USF3: variants seen among roughly 807,000 people sequenced by gnomAD.
The protein encoded by USF3 is upstream transcription factor family member 3.
In USF3, 29 loss-of-function variants were observed where a neutral mutation model predicts 157.5. The observed-to-expected ratio is 0.18, with a 90% CI of 0.14 to 0.25. USF3 has a LOEUF of 0.25. Ranked by LOEUF, USF3 falls within the 10% of genes least tolerant of loss-of-function variation. The pLI is 1.00. For synonymous variants in USF3, 893 were observed against 941.4 expected (o/e 0.95, Z 0.94); for missense variants, 2,381 against 2,667.6 (o/e 0.89, Z 2.37).
intron 6 of USF3, among the ~76,000 whole-genome samples, chr3:113,662,167 A>G (rs79073799): frequency 0.015 from 2,340 of 152,312 alleles, 50 homozygotes; most frequent in African/African-American, 0.039. Flanking sequence ...TTTATAAATC[A>G]ATTTAGTTTC....
intron 1 of USF3, among the ~76,000 whole-genome samples, chr3:113,679,858 G>A (rs1266942014): frequency 6.6e-6 from 1 of 151,724 alleles, no homozygotes; most frequent in African/African-American, 2.4e-5. Context: ...TAAGCATAAT[G>A]TTTCTGAAAT....
intron 5 of USF3, among the ~76,000 whole-genome samples, chr3:113,665,002 A>G (rs1947541670): frequency 6.6e-6 from 1 of 152,186 alleles, no homozygotes; most frequent in South Asian, 2.1e-4. Context: ...GAACTGTGAG[A>G]AATTAAAGTT....
intron 5 of USF3, among the ~76,000 whole-genome samples, chr3:113,664,708 C>T (rs971942818): frequency 3.3e-5 from 5 of 152,076 alleles, no homozygotes; most frequent in African/African-American, 1.2e-4. Context: ...AAATATAAAG[C>T]AGGGTAAAGA....
intron 1 of USF3, among the ~76,000 whole-genome samples, chr3:113,684,481 A>C (rs556383250): frequency 2.0e-5 from 3 of 152,156 alleles, no homozygotes; most frequent in South Asian, 2.1e-4. Context: ...TTTAAGACCA[A>C]TAACTCTTAG....
chr3:113,670,604 TA>T lies in USF3; in HGVS notation c.77-402del, dbSNP rs879484155. Among the ~76,000 whole-genome samples the T allele has an allele frequency of 7.8e-4, 109 of 140,326 alleles. 1 individual carries two copies. The highest frequency in any genetic ancestry group is 3.5e-3 in the Middle Eastern group (1 of 284). The allele number at this position is 140,326 out of a possible 152,430, so 92.1% of individuals were successfully genotyped here. A position where few individuals can be genotyped will look rare whatever the true frequency, so the allele number is the denominator to read the frequency against. ...GACAGAACGAGACTCTGTCTGAAAA[TA>T]AAAAAAAAGGGAAGGGGGAAGGGGA... On this transcript the variant is annotated intron_variant, in intron 4 of 6. Coordinates refer to ENST00000316407, the MANE Select transcript of USF3 (RefSeq NM_001009899.4).
At chr3:113,691,441 C>T (rs372385226) in intron 1 of USF3, among the ~76,000 whole-genome samples, 12 of 152,300 alleles carry the variant, frequency 7.9e-5, no homozygotes, top group South Asian at 4.1e-4. Flanking sequence ...CTGCCAAATC[C>T]GATGAACTTT....
intron 1 of USF3, 130 bp downstream of exon 1, chr3:113,696,240 G>C (rs1707796573): frequency 6.5e-6 from 1 of 152,834 alleles, no homozygotes; most frequent in African/African-American, 2.4e-5. Context: ...ACTTAGCGCA[G>C]CCCTGGCCTC....
Position 113,657,189 on chromosome 3 carries a change from G to C in USF3, c.4493C>G (p.Ala1498Gly), listed in dbSNP as rs1472923822. The C allele has an allele frequency of 1.8e-5, 29 of 1,614,196 alleles. No individual in the cohort carries two copies. The highest frequency in any genetic ancestry group is 2.2e-5 in the Non-Finnish European group (26 of 1,180,040). ...GGGCTGAGAGTGGACAGAGCTCTCTGCATGAGGTACATGATGCTGCATTTG... is the reference window on the plus strand; with the variant it reads ...GGGCTGAGAGTGGACAGAGCTCTCTCCATGAGGTACATGATGCTGCATTTG... ...LYQMQHHVPH[A>G]ESSVHSQPHN... Residue 1498 changes from alanine to glycine, a missense_variant, in exon 7 of 7, where the codon GCA becomes GGA. Around this residue, in one of 6 missense-constraint regions of USF3, gnomAD observed 50 missense variants for 79.7 expected, o/e 0.63. Coordinates refer to ENST00000316407, the MANE Select transcript of USF3 (RefSeq NM_001009899.4).
In USF3 at chr3:113,655,655, T is replaced by C. The variant is rs1015255758; in HGVS notation, c.6027A>G (p.Pro2009=). The stretch of plus-strand genomic sequence containing the variant: ...TAGAGAGAGGAAGATGGGGAAGACT[T>C]GGATCAAAGACAGTACTTTGCCTTT... ...GNQRQSTVFD[P]SLPHLPLSTG... Residue 2009 remains proline, a synonymous_variant, in exon 7 of 7, where the codon CCA becomes CCG. Transcript: ENST00000316407. 7 of 1,613,934 alleles carry C rather than the reference T, an allele frequency of 4.3e-6. No individual in the cohort carries two copies. The highest frequency in any genetic ancestry group is 5.9e-6 in the Non-Finnish European group (7 of 1,179,778).
In USF3 at chr3:113,658,680, C is replaced by A. The variant is rs755063514; in HGVS notation, c.3002G>T (p.Gly1001Val). ...AGATAGCAATGTAGTTAAACCTTGC[C>A]CCTTTAAGAGACCTGTGGTTTGCAT... ...DTMQTTGLLK[G>V]QGLTTLLSDL... The change falls in exon 7 of 7, where the codon GGG becomes GTG. Residue 1001 changes from glycine to valine, a missense_variant. This residue lies in a region of USF3 where 1,435 missense variants were observed against 1,550.9 expected (regional missense o/e 0.93). Coordinates refer to ENST00000316407, the MANE Select transcript of USF3 (RefSeq NM_001009899.4). The A allele has an allele frequency of 1.2e-6, 2 of 1,613,730 alleles. No individual in the cohort carries two copies. Among genetic ancestry groups the A allele is most frequent in the Non-Finnish European group, 1.7e-6 (2 of 1,179,940 alleles).
Position 113,651,024 on chromosome 3 carries a change from A to G in USF3, c.*3920T>C, listed in dbSNP as rs371764221. 1 of 152,238 alleles carries G rather than the reference A, an allele frequency of 6.6e-6. No homozygotes were observed. The highest frequency in any genetic ancestry group is 2.4e-5 in the African/African-American group (1 of 41,456). 9.4% of individuals were successfully genotyped at this position (152,238 alleles called of 1,614,324 possible). ...AACTTGTGTTTTCCAAAAAAAAGAA[A>G]GAAAGAAACAACATCAAACTAGATT... is the stretch of plus-strand genomic sequence containing the variant. On this transcript the variant is annotated 3_prime_UTR_variant, in exon 7 of 7. Transcript: ENST00000316407.
intron 1 of USF3, among the ~76,000 whole-genome samples, chr3:113,679,828 C>A (rs1275086123): frequency 1.3e-5 from 2 of 152,054 alleles, no homozygotes; most frequent in Non-Finnish European, 2.9e-5. Flanking sequence ...ATTGGGAATT[C>A]TTTTGTGTAA....
chr3:113,658,658 T>G lies in USF3; in HGVS notation c.3024A>C (p.Leu1008=), dbSNP rs16861271. The G allele has an allele frequency of 0.11, 174,638 of 1,613,692 alleles. 13,173 individuals carry two copies. Among genetic ancestry groups the G allele is most frequent in the East Asian group, 0.31 (14,119 of 44,856 alleles). ...GGTTTTTTTTTTTAGCAAGATCAGATAGCAATGTAGTTAAACCTTGCCCCT... is the reference window on the plus strand; with the variant it reads ...GGTTTTTTTTTTTAGCAAGATCAGAGAGCAATGTAGTTAAACCTTGCCCCT... The part of the protein sequence containing the change: ...LLKGQGLTTL[L]SDLAKKKNPQ... Residue 1008 remains leucine, a synonymous_variant, in exon 7 of 7, where the codon CTA becomes CTC. Coordinates refer to ENST00000316407, the MANE Select transcript of USF3 (RefSeq NM_001009899.4).
chr3:113,686,388 T>C (rs1707546205), intron 1 of USF3, among the ~76,000 whole-genome samples: 1 of 152,222 alleles, frequency 6.6e-6, no homozygotes, highest in South Asian at 2.1e-4. Flanking sequence ...CAAGGCTGTC[T>C]TTCCTACCAT....
chr3:113,659,982 A>G lies in USF3; in HGVS notation c.1700T>C (p.Met567Thr), dbSNP rs1303607099. The change falls in exon 7 of 7, where the codon ATG becomes ACG. Residue 567 changes from methionine (M) to threonine (T), a missense_variant. Met to Thr is a moderately conservative substitution (Grantham distance 81). Around this residue, in one of 6 missense-constraint regions of USF3, gnomAD observed 1,435 missense variants for 1,550.9 expected, o/e 0.93. Coordinates refer to ENST00000316407, the MANE Select transcript of USF3 (RefSeq NM_001009899.4). ...PPSTTPCPTVMRAEVSNQTVG... is the reference protein window; with the variant it reads ...PPSTTPCPTVTRAEVSNQTVG... ...TGTTTGGTTGGAAACTTCTGCCCTCATCACTGTTGGGCATGGGGTGGTGCT... is the reference window on the plus strand; with the variant it reads ...TGTTTGGTTGGAAACTTCTGCCCTCGTCACTGTTGGGCATGGGGTGGTGCT... 1 of 1,614,210 alleles carries G rather than the reference A, an allele frequency of 6.2e-7. No individual in the cohort carries two copies. The highest frequency in any genetic ancestry group is 1.3e-5 in the African/African-American group (1 of 75,048).
intron 1 of USF3, among the ~76,000 whole-genome samples, chr3:113,692,707 G>T (rs984605851): frequency 1.3e-5 from 2 of 152,098 alleles, no homozygotes; most frequent in Non-Finnish European, 2.9e-5. Flanking sequence ...TTGGTGAACT[G>T]AATTAAAAAC....
chr3:113,649,918 C>A lies in USF3; in HGVS notation c.*5026G>T. The A allele has an allele frequency of 1.4e-6, 1 of 692,782 alleles. No homozygotes were observed. Among genetic ancestry groups the A allele is most frequent in the South Asian group, 1.5e-5 (1 of 65,154 alleles). 42.9% of individuals were successfully genotyped at this position (692,782 alleles called of 1,614,324 possible). ...CAAAAAAGGCCCTTTTCTTTCAAACCCTGGGGAAAGAAAAATGGTAATGTT... is the reference window on the plus strand; with the variant it reads ...CAAAAAAGGCCCTTTTCTTTCAAACACTGGGGAAAGAAAAATGGTAATGTT... On this transcript the variant is annotated 3_prime_UTR_variant, in exon 7 of 7. Coordinates refer to ENST00000316407, the MANE Select transcript of USF3 (RefSeq NM_001009899.4).
rs1441767744 is a variant in USF3 at position 113,661,336 on chromosome 3, A to G, written c.346T>C (p.Cys116Arg). 1 of 1,612,148 alleles carries G rather than the reference A, an allele frequency of 6.2e-7. No individual in the cohort carries two copies. Among genetic ancestry groups the G allele is most frequent in the Non-Finnish European group, 8.5e-7 (1 of 1,178,482 alleles). Residue 116 changes from cysteine (C) to arginine (R), a missense_variant, in exon 7 of 7, where the codon TGC becomes CGC. By Grantham distance (180) the Cys-to-Arg change is radical. This residue lies in a region of USF3 where 105 missense variants were observed against 158.6 expected (regional missense o/e 0.66). Transcript: ENST00000316407. Reference protein sequence around the residue: ...YIELLKANDICLYDDPTIHWK... With the variant: ...YIELLKANDIRLYDDPTIHWK... ...TGAATTGTCGGGTCATCATATAAGC[A>G]TATGTCATTAGCTTTCAGTAATTCA... is the stretch of plus-strand genomic sequence containing the variant.
At chr3:113,677,883 T>C (rs1707316647) in intron 1 of USF3, among the ~76,000 whole-genome samples, 1 of 152,148 alleles carries the variant, frequency 6.6e-6, no homozygotes, top group African/African-American at 2.4e-5. Flanking sequence ...ATGTGTTCTT[T>C]AAAAATGTAA....
Sources: allele counts gnomAD v4.1 joint callset (sites outside exome capture counted in the v4.1 genomes callset), GRCh38; gene constraint gnomAD v4.1.1; regional missense constraint gnomAD v4.1.1; transcripts MANE v1.5; gene names NCBI Gene and HGNC (gene_info 2026-07-23, HGNC 2026-07-21).